The following PTPRA variants were observed in gnomAD, a reference collection of about 807,000 sequenced individuals.
The protein encoded by PTPRA is protein tyrosine phosphatase receptor type A.
PTPRA carries 25 observed loss-of-function variants against 104.8 expected under a neutral mutation model. That is an observed-to-expected ratio of 0.24 (90% CI 0.17 to 0.33). PTPRA has a LOEUF of 0.33. Among genes scored for constraint, PTPRA ranks in the 10% least tolerant of loss-of-function variants. The probability of loss-of-function intolerance (pLI) is 1.00; values close to 1 mark genes in which losing one functional copy is unlikely to be tolerated. For synonymous variants in PTPRA, 323 were observed against 368.9 expected, an observed-to-expected ratio of 0.88 and a Z score of 1.43; for missense variants, 765 against 1,015.3, an observed-to-expected ratio of 0.75 and a Z score of 3.35.
chr20:2,877,635 C>G (rs1254944959), intron 1 of PTPRA, among the ~76,000 whole-genome samples: 1 of 152,106 alleles, frequency 6.6e-6, no homozygotes, highest in African/African-American at 2.4e-5. Flanking sequence ...AACTGAACAG[C>G]AGGCCCAAAA....
chr20:3,010,622 T>C (rs1178030), intron 11 of PTPRA, among the ~76,000 whole-genome samples: 76,072 of 151,576 alleles, frequency 0.5, 22,377 homozygotes, highest in African/African-American at 0.8. Context: ...AGCGAGACTC[T>C]GTCTCAAAAA....
upstream of PTPRA, among the ~76,000 whole-genome samples, chr20:2,872,824 G>A (rs1305855397): frequency 6.6e-6 from 1 of 152,182 alleles, no homozygotes; most frequent in Non-Finnish European, 1.5e-5. The surrounding 1 kb of genome is among the most constrained non-coding windows in gnomAD (Gnocchi z 7.9). Flanking sequence ...CAGGCGTATC[G>A]CAAAAGGCAC....
intron 2 of PTPRA, among the ~76,000 whole-genome samples, chr20:2,928,041 C>A (rs1164065373): frequency 6.6e-6 from 1 of 152,094 alleles, no homozygotes; most frequent in Non-Finnish European, 1.5e-5. Flanking sequence ...ATCTATCTTA[C>A]CAGAGTTCAT....
In PTPRA at chr20:2,947,921, A is replaced by G. The variant is rs557912830; in HGVS notation, c.-49-61A>G. The G allele has an allele frequency of 7.9e-5, 58 of 735,010 alleles. No individual in the cohort carries two copies. In the African/African-American group the frequency reaches 1.1e-3, roughly 13 times the overall value. 45.5% of individuals were successfully genotyped at this position (735,010 alleles called of 1,614,324 possible). A position where few individuals can be genotyped will look rare whatever the true frequency, so the allele number is the denominator to read the frequency against. Reference sequence around the variant, plus strand: ...GATAATTTCTGTCAATAGGAGGTTGATGAATGCTTCACATAACCTAGATAC... The same window carrying G: ...GATAATTTCTGTCAATAGGAGGTTGGTGAATGCTTCACATAACCTAGATAC... On this transcript the variant is annotated intron_variant, in intron 2 of 23. Coordinates refer to ENST00000399903, the MANE Select transcript of PTPRA (RefSeq NM_001385305.1).
chr20:2,995,393 C>T (rs908144710), intron 9 of PTPRA, among the ~76,000 whole-genome samples: 1 of 152,142 alleles, frequency 6.6e-6, no homozygotes. Context: ...GCTGGGATTA[C>T]AGGCATGAGC....
upstream of PTPRA, among the ~76,000 whole-genome samples, chr20:2,871,172 A>AT (rs1453344362): frequency 4.1e-4 from 62 of 152,250 alleles, no homozygotes; most frequent in African/African-American, 1.4e-3. Flanking sequence ...CACCCCACAA[A>AT]TGCTTTGACC....
intron 6 of PTPRA, among the ~76,000 whole-genome samples, chr20:2,985,701 G>A (rs1327688213): frequency 2.0e-5 from 3 of 152,202 alleles, no homozygotes; most frequent in African/African-American, 7.2e-5. Flanking sequence ...GGAGCAGGGT[G>A]TGGAAAGAGG....
intron 6 of PTPRA, among the ~76,000 whole-genome samples, chr20:2,984,817 C>G (rs78922155): frequency 0.052 from 7,849 of 152,238 alleles, 283 homozygotes; most frequent in Admixed American, 0.096. Context: ...GTCTAGAAAG[C>G]TCTTCACCCA....
intron 5 of PTPRA, among the ~76,000 whole-genome samples, chr20:2,973,813 A>G (rs747510299): frequency 6.6e-6 from 1 of 152,174 alleles, no homozygotes; most frequent in Non-Finnish European, 1.5e-5. Flanking sequence ...GTGCTCAGCT[A>G]AAAAACAAAG....
At chr20:3,011,194 G>T (rs760725950) in intron 11 of PTPRA, among the ~76,000 whole-genome samples, 3 of 152,234 alleles carry the variant, frequency 2.0e-5, no homozygotes, top group Non-Finnish European at 2.9e-5. Flanking sequence ...GAGTTTACAT[G>T]AAGAGGGTTA....
chr20:3,031,342 A>G (rs2065444744), intron 20 of PTPRA, among the ~76,000 whole-genome samples: 1 of 151,734 alleles, frequency 6.6e-6, no homozygotes, highest in Non-Finnish European at 1.5e-5. Context: ...CCGTAACGTG[A>G]ACACACAAAT....
chr20:2,946,880 TAAAA>T (rs1568664538), intron 2 of PTPRA, among the ~76,000 whole-genome samples: 3 of 151,352 alleles, frequency 2.0e-5, no homozygotes, highest in Non-Finnish European at 2.9e-5. Context: ...ATAAAATAAA[TAAAA>T]GAAAGAGTAA....
intron 1 of PTPRA, among the ~76,000 whole-genome samples, chr20:2,912,628 A>G (rs945869429): frequency 3.3e-5 from 5 of 152,194 alleles, no homozygotes; most frequent in Non-Finnish European, 5.9e-5. Flanking sequence ...TGTCTCAAAA[A>G]CAGACAACGA....
intron 1 of PTPRA, among the ~76,000 whole-genome samples, chr20:2,878,112 CTG>C (rs1460286007): frequency 1.3e-5 from 2 of 152,118 alleles, no homozygotes; most frequent in Non-Finnish European, 2.9e-5. Flanking sequence ...GATCTTGCCA[CTG>C]TACTCCAGCC....
chr20:2,907,110 T>G (rs1015510264), intron 1 of PTPRA, among the ~76,000 whole-genome samples: 2 of 152,250 alleles, frequency 1.3e-5, no homozygotes, highest in Non-Finnish European at 2.9e-5. Context: ...TCAACGTTGC[T>G]TATGATTCAA....
intron 11 of PTPRA, among the ~76,000 whole-genome samples, chr20:3,010,367 G>A (rs776479919): frequency 7.9e-5 from 12 of 151,508 alleles, no homozygotes; most frequent in South Asian, 2.1e-4. Flanking sequence ...GGTGGCTCAC[G>A]CCTGTAATCC....
Position 3,029,115 on chromosome 20 carries a change from GAT to G in PTPRA, c.1920+1275_1920+1276del, listed in dbSNP as rs1491517665. Reference sequence around the variant, plus strand: ...TCACCCTGATGTTTCATTACATCAGGATTTTTTTTTTTTTTTTGGTTTTGTTT... The same window carrying G: ...TCACCCTGATGTTTCATTACATCAGGTTTTTTTTTTTTTTTGGTTTTGTTT... On this transcript the variant is annotated intron_variant, in intron 20 of 23. Coordinates refer to ENST00000399903, the MANE Select transcript of PTPRA (RefSeq NM_001385305.1). 2.8e-3 allele frequency among the ~76,000 whole-genome samples: 388 copies of G among 141,068 alleles called. 2 individuals are homozygous for G. The East Asian group carries it at 0.028, about 10-fold the overall frequency. 92.5% of individuals were successfully genotyped at this position (141,068 alleles called of 152,430 possible). A position where few individuals can be genotyped will look rare whatever the true frequency, so the allele number is the denominator to read the frequency against.
rs2065748576 is a variant in PTPRA at position 3,035,430 on chromosome 20, T to G, written c.1921-155T>G. Among the ~76,000 whole-genome samples the G allele has an allele frequency of 6.6e-6, 1 of 152,170 alleles. No individual in the cohort carries two copies. The highest frequency in any genetic ancestry group is 2.1e-4 in the South Asian group (1 of 4,826). ...GGATCGGAGGTTAATTGGAATGATGTGATATAATGATCCTGCAAGTTTTCA... is the reference window on the plus strand; with the variant it reads ...GGATCGGAGGTTAATTGGAATGATGGGATATAATGATCCTGCAAGTTTTCA... On this transcript the variant is annotated intron_variant, in intron 20 of 23. Transcript: ENST00000399903. The surrounding 1 kb of genome is among the most constrained non-coding windows in gnomAD (Gnocchi z 5.8).
chr20:2,982,177 G>A (rs1276247704), intron 6 of PTPRA, among the ~76,000 whole-genome samples: 1 of 147,188 alleles, frequency 6.8e-6, no homozygotes, highest in African/African-American at 2.5e-5. Context: ...TGAAACCTCC[G>A]CCTCCTGGGT....
Sources: allele counts gnomAD v4.1 joint callset (sites outside exome capture counted in the v4.1 genomes callset), GRCh38; gene constraint gnomAD v4.1.1; non-coding constraint Gnocchi (gnomAD v3.1); transcripts MANE v1.5; gene names NCBI Gene and HGNC (gene_info 2026-07-23, HGNC 2026-07-21).